The following USH2A variants were observed in gnomAD, a reference collection of about 807,000 sequenced individuals.
The protein encoded by USH2A is Usher syndrome 2A (autosomal recessive, mild).
A neutral mutation model predicts 538.9 loss-of-function variants in USH2A; 443 were observed. The observed-to-expected ratio is 0.82, with a 90% CI of 0.76 to 0.89. The LOEUF is 0.89. Among genes scored for constraint, USH2A ranks in the 40% least tolerant of loss-of-function variants. The pLI, the probability that USH2A is intolerant of heterozygous loss-of-function variation, is 0.00. For synonymous variants in USH2A, 2,413 were observed against 2,273.5 expected (o/e 1.06, Z -1.75); for missense variants, 6,633 against 6,324.8 (o/e 1.05, Z -1.65).
intron 30 of USH2A, among the ~76,000 whole-genome samples, chr1:216,057,009 T>C (rs898638568): frequency 5.3e-5 from 8 of 152,208 alleles, no homozygotes; most frequent in African/African-American, 1.9e-4. Flanking sequence ...TGGACATGCC[T>C]AGTTGATTAT....
intron 37 of USH2A, among the ~76,000 whole-genome samples, chr1:215,952,185 A>C (rs1274273780): frequency 2.0e-5 from 3 of 152,180 alleles, no homozygotes; most frequent in Non-Finnish European, 2.9e-5. Flanking sequence ...CTGTTTTATC[A>C]GAGACTAGGA....
intron 16 of USH2A, among the ~76,000 whole-genome samples, chr1:216,206,487 A>G (rs2035114461): frequency 6.6e-6 from 1 of 152,076 alleles, no homozygotes; most frequent in African/African-American, 2.4e-5. Flanking sequence ...TTCCTATGAG[A>G]ATCTCATGCC....
chr1:215,930,892 A>T (rs1320124359), intron 38 of USH2A, among the ~76,000 whole-genome samples: 5 of 151,962 alleles, frequency 3.3e-5, no homozygotes, highest in African/African-American at 1.2e-4. Context: ...CTTTTCCTAG[A>T]ACTCTTGAAC....
intron 41 of USH2A, among the ~76,000 whole-genome samples, chr1:215,886,902 G>A (rs1021675320): frequency 5.3e-5 from 8 of 152,082 alleles, no homozygotes; most frequent in African/African-American, 1.9e-4. Flanking sequence ...CTGTCGCCCA[G>A]GCTGGAGTGC....
chr1:215,692,329 G>C (rs1658644413), intron 61 of USH2A, among the ~76,000 whole-genome samples: 1 of 152,120 alleles, frequency 6.6e-6, no homozygotes, highest in Admixed American at 6.5e-5. Context: ...GATGGTAGCT[G>C]GAGGGGCCCG....
At chr1:216,394,757 C>G (rs1275635487) in intron 3 of USH2A, among the ~76,000 whole-genome samples, 2 of 126,234 alleles carry the variant, frequency 1.6e-5, no homozygotes, top group Admixed American at 1.8e-4. Flanking sequence ...CTCGCTCTGT[C>G]GCCCAGGCTG....
chr1:215,625,925 T>C lies in USH2A; in HGVS notation c.15520-55A>G. The C allele has an allele frequency of 4.7e-6, 7 of 1,504,680 alleles. No individual in the cohort carries two copies. In the South Asian group the frequency reaches 7.9e-5, roughly 17 times the overall value. The allele number at this position is 1,504,680 out of a possible 1,614,324, so 93.2% of individuals were successfully genotyped here. The stretch of plus-strand genomic sequence containing the variant: ...CATACTTGCTATCAATAGTATTTGC[T>C]ATCAATTTATAGTTATATCAATTAA... On this transcript the variant is annotated intron_variant, in intron 71 of 71. Coordinates refer to ENST00000307340, the MANE Select transcript of USH2A (RefSeq NM_206933.4).
At chr1:215,677,582 G>A (rs1013457350) in intron 62 of USH2A, among the ~76,000 whole-genome samples, 5 of 152,090 alleles carry the variant, frequency 3.3e-5, no homozygotes, top group South Asian at 2.1e-4. Flanking sequence ...TTCTATACTC[G>A]GGGTGGCTTC....
At chr1:216,377,807 AAAAGAAAGAAAGAAAG>A (rs200931887) in intron 3 of USH2A, among the ~76,000 whole-genome samples, 3,510 of 49,244 alleles carry the variant, frequency 0.071, 185 homozygotes, top group African/African-American at 0.12. Context: ...GAAAGAAATA[AAAAGAAAGAAAGAAAG>A]AAAGAAAGAA....
rs2031569959 is a variant in USH2A, at chr1:216,071,877, C to A, written c.5857+1012G>T. On this transcript the variant is annotated intron_variant, in intron 29 of 71. Coordinates refer to ENST00000307340, the MANE Select transcript of USH2A (RefSeq NM_206933.4). ...AGAGATCGTTCAGCTCATTGTCTTGCCTATAAATAGGTGATAATTTAAATC... is the reference window on the plus strand; with the variant it reads ...AGAGATCGTTCAGCTCATTGTCTTGACTATAAATAGGTGATAATTTAAATC... Among the ~76,000 whole-genome samples the A allele has an allele frequency of 2.0e-5, 3 of 152,206 alleles. No homozygotes were observed. The South Asian group carries it at 6.2e-4, about 32-fold the overall frequency.
intron 35 of USH2A, among the ~76,000 whole-genome samples, chr1:215,982,622 T>G (rs1667776678): frequency 6.6e-6 from 1 of 152,222 alleles, no homozygotes; most frequent in African/African-American, 2.4e-5. Context: ...AAAATAATTT[T>G]TGTAAGTCTG....
rs780324517 is a variant in USH2A, at chr1:215,647,515, T to C, written c.14791+7A>G. ...TCTGGCTTATGGTAGCAGCCACTTA[T>C]ACTCACATTCTTTTTGGGTGGTGAA... On this transcript the variant is annotated splice_region_variant and intron_variant, in intron 67 of 71. Coordinates refer to ENST00000307340, the MANE Select transcript of USH2A (RefSeq NM_206933.4). 9.3e-6 allele frequency: 15 copies of C among 1,613,706 alleles called. No individual in the cohort carries two copies. The highest frequency in any genetic ancestry group is 1.7e-5 in the Admixed American group (1 of 60,014).
chr1:216,135,084 A>G lies in USH2A; in HGVS notation c.4628-37871T>C, dbSNP rs561265909. The stretch of plus-strand genomic sequence containing the variant: ...AGTAGCAGTTGTACACCACTGCTAC[A>G]GTTATGCAACAAAGGCAGTCTACCA... On this transcript the variant is annotated intron_variant, in intron 21 of 71. Coordinates refer to ENST00000307340, the MANE Select transcript of USH2A (RefSeq NM_206933.4). 3.3e-5 allele frequency among the ~76,000 whole-genome samples: 5 copies of G among 151,826 alleles called. No individual in the cohort carries two copies. In the East Asian group the frequency reaches 9.7e-4, roughly 29 times the overall value.
intron 64 of USH2A, among the ~76,000 whole-genome samples, chr1:215,662,354 G>A (rs1304030195): frequency 6.6e-6 from 1 of 152,184 alleles, no homozygotes; most frequent in Non-Finnish European, 1.5e-5. Context: ...ATCACCTTAA[G>A]TGAAATATAA....
At chr1:216,317,020 C>T (rs562491897) in intron 9 of USH2A, among the ~76,000 whole-genome samples, 2 of 152,226 alleles carry the variant, frequency 1.3e-5, no homozygotes, top group Admixed American at 6.6e-5. Context: ...ATATTCTCCC[C>T]TTCTATAGGT....
intron 3 of USH2A, among the ~76,000 whole-genome samples, chr1:216,372,656 G>T (rs564859248): frequency 6.6e-6 from 1 of 151,362 alleles, no homozygotes; most frequent in Non-Finnish European, 1.5e-5. Context: ...TCTCTCTACT[G>T]CCAAAAAAAA....
intron 43 of USH2A, among the ~76,000 whole-genome samples, chr1:215,869,891 A>T (rs1056529447): frequency 6.6e-6 from 1 of 152,240 alleles, no homozygotes; most frequent in Non-Finnish European, 1.5e-5. Context: ...TAATTTAGTT[A>T]TGGCGAAATA....
chr1:216,114,980 A>G (rs2032968376), intron 21 of USH2A, among the ~76,000 whole-genome samples: 1 of 152,114 alleles, frequency 6.6e-6, no homozygotes, highest in Admixed American at 6.6e-5. Flanking sequence ...CTGCATATAG[A>G]TATCTATTTA....
At chr1:216,416,921 C>A (rs370597523) in intron 3 of USH2A, among the ~76,000 whole-genome samples, 21 of 152,162 alleles carry the variant, frequency 1.4e-4, no homozygotes, top group African/African-American at 5.1e-4. Context: ...TCTATTTCTA[C>A]GTTTTTAATA....
Sources: gnomAD v4.1 joint callset for allele counts (sites outside exome capture counted in the v4.1 genomes callset) on GRCh38, gnomAD v4.1.1 for gene constraint, MANE v1.5 for transcripts, NCBI Gene and HGNC (gene_info 2026-07-23, HGNC 2026-07-21) for gene names.